The following MYH13 variants were observed in gnomAD, a reference collection of about 807,000 sequenced individuals.
The protein encoded by MYH13 is myosin heavy chain 13.
MYH13 carries 177 observed loss-of-function variants against 232.1 expected under a neutral mutation model. The ratio of observed to expected loss-of-function variants is 0.76; its 90% CI spans 0.67 to 0.86. The LOEUF (loss-of-function observed/expected upper bound fraction) is 0.86. Among genes scored for constraint, MYH13 ranks in the 40% least tolerant of loss-of-function variants. MYH13 has a pLI of 0.00. For synonymous variants in MYH13, 884 were observed against 923.5 expected (o/e 0.96, Z 0.78); for missense variants, 2,246 against 2,405.9 (o/e 0.93, Z 1.39).
chr17:10,352,095 A>G (rs1172649096), intron 11 of MYH13, among the ~76,000 whole-genome samples: 1 of 152,186 alleles, frequency 6.6e-6, no homozygotes, highest in African/African-American at 2.4e-5. Context: ...GGGTCGTTGT[A>G]GGTTAAAAGA....
At chr17:10,368,996 T>C (rs1281977907) in intron 2 of MYH13, among the ~76,000 whole-genome samples, 1 of 152,232 alleles carries the variant, frequency 6.6e-6, no homozygotes, top group Non-Finnish European at 1.5e-5. Context: ...ACTTTGCTTG[T>C]ATGAAACTAC....
chr17:10,338,536 C>G (rs566158129), intron 18 of MYH13, among the ~76,000 whole-genome samples: 1 of 151,888 alleles, frequency 6.6e-6, no homozygotes, highest in South Asian at 2.1e-4. Context: ...GTGCTCAGCC[C>G]TGTTGTAAAT....
At chr17:10,321,817 G>T in intron 23 of MYH13, 109 bp from the exon 24 acceptor site, 1 of 1,009,072 alleles carries the variant, frequency 9.9e-7, no homozygotes, top group Non-Finnish European at 1.4e-6. Context: ...TTTTCTTTTT[G>T]GCTACTACTT....
At chr17:10,301,524 T>C (rs1906089724) in intron 40 of MYH13, 45 bp downstream of exon 40, 1 of 1,611,490 alleles carries the variant, frequency 6.2e-7, no homozygotes. Context: ...CCATATTCAA[T>C]ATCTGTTCTT....
chr17:10,343,285 C>T (rs1460091001), intron 16 of MYH13, among the ~76,000 whole-genome samples: 1 of 151,972 alleles, frequency 6.6e-6, no homozygotes, highest in Non-Finnish European at 1.5e-5. Flanking sequence ...GTAACCTCTG[C>T]TTCCTAGGTT....
At chr17:10,321,420 G>C in intron 24 of MYH13, 112 bp downstream of exon 24, 1 of 1,069,410 alleles carries the variant, frequency 9.4e-7, no homozygotes. Flanking sequence ...CTGAATTTAG[G>C]GATGCTGATT....
At chr17:10,360,896 G>A (rs1403870740) in intron 5 of MYH13, among the ~76,000 whole-genome samples, 1 of 152,146 alleles carries the variant, frequency 6.6e-6, no homozygotes, top group Non-Finnish European at 1.5e-5. Flanking sequence ...TCAGGGTGAT[G>A]CTTCTACAAA....
chr17:10,312,604 T>C lies in MYH13; in HGVS notation c.4335A>G (p.Thr1445=), dbSNP rs756258125. ...DLERSHTACA[T]LDKKQRNFDK... is the part of the protein sequence containing the mutation. The stretch of plus-strand genomic sequence containing the variant: ...CGAAGTTCCTCTGCTTCTTGTCCAG[T>C]GTGGCACAGGCGGTGTGGGAGCGCT... Residue 1445 remains threonine (T), a synonymous_variant, in exon 31 of 41, where the codon ACA becomes ACG. Coordinates refer to ENST00000252172, the MANE Select transcript of MYH13 (RefSeq NM_003802.3). 1.9e-6 allele frequency: 3 copies of C among 1,613,306 alleles called. No individual in the cohort carries two copies. The highest frequency in any genetic ancestry group is 2.5e-6 in the Non-Finnish European group (3 of 1,179,678).
intron 1 of MYH13, among the ~76,000 whole-genome samples, chr17:10,372,082 C>A (rs899321207): frequency 2.0e-5 from 3 of 152,148 alleles, no homozygotes; most frequent in African/African-American, 7.2e-5. Context: ...GGTTTACTAT[C>A]CTTGTTGCCT....
chr17:10,324,400 GCA>G (rs1219008364), intron 22 of MYH13, 136 bp from the exon 23 acceptor site: 8 of 923,052 alleles, frequency 8.7e-6, no homozygotes, highest in Non-Finnish European at 1.3e-5. Flanking sequence ...ACGCACATGT[GCA>G]CACACTGCAC....
intron 23 of MYH13, 131 bp downstream of exon 23, chr17:10,323,891 A>G: frequency 8.1e-7 from 1 of 1,241,532 alleles, no homozygotes; most frequent in Non-Finnish European, 1.1e-6. Flanking sequence ...ACTACCCTTC[A>G]CCTTGACGCC....
At chr17:10,323,748 G>A (rs1907064927) in intron 23 of MYH13, among the ~76,000 whole-genome samples, 1 of 113,982 alleles carries the variant, frequency 8.8e-6, no homozygotes, top group African/African-American at 3.6e-5. Flanking sequence ...GGGCAACAGA[G>A]CAAGACTCCA....
chr17:10,323,043 T>C (rs1221262451), intron 23 of MYH13, among the ~76,000 whole-genome samples: 1 of 152,164 alleles, frequency 6.6e-6, no homozygotes, highest in African/African-American at 2.4e-5. Flanking sequence ...CTGTGTTATC[T>C]ACTACATTTT....
chr17:10,350,701 A>G lies in MYH13; in HGVS notation c.1006-7T>C, dbSNP rs2071702552. 6.2e-7 allele frequency: 1 copy of G among 1,613,828 alleles called. No homozygotes were observed. Among genetic ancestry groups the G allele is most frequent in the Non-Finnish European group, 8.5e-7 (1 of 1,179,878 alleles). On this transcript the variant is annotated splice_polypyrimidine_tract_variant and splice_region_variant and intron_variant, in intron 11 of 40. Coordinates refer to ENST00000252172, the MANE Select transcript of MYH13 (RefSeq NM_003802.3). Reference sequence around the variant, plus strand: ...CCAGGATGTCAATGGCATTCTGGAAAGAAAAAAAGGACAACTGTCATAGCA... The same window carrying G: ...CCAGGATGTCAATGGCATTCTGGAAGGAAAAAAAGGACAACTGTCATAGCA...
intron 1 of MYH13, among the ~76,000 whole-genome samples, chr17:10,371,737 G>C (rs761377053): frequency 1.3e-5 from 2 of 152,196 alleles, no homozygotes; most frequent in Non-Finnish European, 2.9e-5. Flanking sequence ...GAATGCTCCA[G>C]ATTGCAGCTT....
At chr17:10,340,890 A>G (rs1451940697) in intron 16 of MYH13, among the ~76,000 whole-genome samples, 2 of 152,124 alleles carry the variant, frequency 1.3e-5, no homozygotes, top group African/African-American at 4.8e-5. Context: ...GGGTGTGGAT[A>G]GCATTTAACT....
intron 18 of MYH13, among the ~76,000 whole-genome samples, chr17:10,334,158 T>G (rs1305530620): frequency 1.3e-5 from 2 of 152,070 alleles, no homozygotes; most frequent in African/African-American, 2.4e-5. Flanking sequence ...CGTGAGGGGT[T>G]AGAGGACAGG....
rs1358232081 is a variant in MYH13 at position 10,364,454 on chromosome 17, T to G, written c.77A>C (p.Glu26Ala). Residue 26 changes from glutamate (E) to alanine (A), a missense_variant, in exon 3 of 41, where the codon GAG (glutamate) becomes GCG (alanine). By Grantham distance (107) the Glu-to-Ala change is moderately radical. Coordinates refer to ENST00000252172, the MANE Select transcript of MYH13 (RefSeq NM_003802.3). The stretch of plus-strand genomic sequence containing the variant: ...GGAATCGAATGGACGATTTTGAGCC[T>G]CGATTCTCTCCTTCTCTGGTTTCCG... ...YLRKPEKERI[E>A]AQNRPFDSKK... The G allele has an allele frequency of 6.2e-7, 1 of 1,612,838 alleles. No homozygotes were observed.
intron 40 of MYH13, 64 bp downstream of exon 40, chr17:10,301,505 A>G: frequency 6.2e-7 from 1 of 1,602,556 alleles, no homozygotes; most frequent in Admixed American, 1.7e-5. Context: ...ATTCGCTCTT[A>G]CCTGGCCCCC....
Sources: allele counts gnomAD v4.1 joint callset (sites outside exome capture counted in the v4.1 genomes callset), GRCh38; gene constraint gnomAD v4.1.1; transcripts MANE v1.5; gene names NCBI Gene and HGNC (gene_info 2026-07-23, HGNC 2026-07-21).